ZC3H12B: variants seen among roughly 807,000 people sequenced by gnomAD.
The protein encoded by ZC3H12B is zinc finger CCCH-type containing 12B.
A neutral mutation model predicts 43.9 loss-of-function variants in ZC3H12B; 7 were observed. The ratio of observed to expected loss-of-function variants is 0.16; its 90% confidence interval spans 0.09 to 0.30. The LOEUF (loss-of-function observed/expected upper bound fraction) is 0.30. Among genes scored for constraint, ZC3H12B ranks in the 10% least tolerant of loss-of-function variants. The pLI is 1.00. For missense variants in ZC3H12B, 475 were observed against 670.2 expected (o/e 0.71, Z 3.22); for synonymous variants, 222 against 241.7 (o/e 0.92, Z 0.76).
At chrX:65,281,162 A>T in the ZC3H12B span, among the ~76,000 whole-genome samples, 2 of 111,194 alleles carry the variant, frequency 1.8e-5, no homozygotes, top group East Asian at 2.8e-4. Context: ...TACTGGCATT[A>T]AAAAAGACAT....
the ZC3H12B span, among the ~76,000 whole-genome samples, chrX:65,184,318 G>A: frequency 3.6e-5 from 4 of 111,088 alleles, no homozygotes; most frequent in Middle Eastern, 0.014. Context: ...GCAAACTCAT[G>A]TATAGTATAC....
chrX:65,178,694 A>G, the ZC3H12B span, among the ~76,000 whole-genome samples: 1 of 112,752 alleles, frequency 8.9e-6, no homozygotes, highest in Non-Finnish European at 1.9e-5. Flanking sequence ...AGAATGGCAA[A>G]TCAAAACTGC....
the ZC3H12B span, among the ~76,000 whole-genome samples, chrX:65,319,515 C>A: frequency 9.0e-6 from 1 of 111,542 alleles, no homozygotes; most frequent in African/African-American, 3.3e-5. Flanking sequence ...GAGCTGGTAC[C>A]ATTTCTACTG....
the ZC3H12B span, among the ~76,000 whole-genome samples, chrX:65,321,044 A>T: frequency 8.9e-6 from 1 of 112,183 alleles, no homozygotes; most frequent in African/African-American, 3.2e-5. Flanking sequence ...AAAATTGATG[A>T]ATGGGATCTA....
chrX:65,201,647 TCTC>T, the ZC3H12B span, among the ~76,000 whole-genome samples: 1 of 72,262 alleles, frequency 1.4e-5, no homozygotes, highest in Non-Finnish European at 2.3e-5. Flanking sequence ...CACCTCTCTC[TCTC>T]TCTCTCTCTC....
chrX:65,261,959 C>G, the ZC3H12B span, among the ~76,000 whole-genome samples: 1 of 110,352 alleles, frequency 9.1e-6, no homozygotes, highest in Non-Finnish European at 1.9e-5. Flanking sequence ...TAGTATAGCT[C>G]ATTTTTTTGG....
chrX:65,461,034 A>G, intron 3 of ZC3H12B, among the ~76,000 whole-genome samples: 1 of 111,938 alleles, frequency 8.9e-6, no homozygotes, highest in Non-Finnish European at 1.9e-5. Context: ...CCCCATCAAA[A>G]AGTGGGCAAA....
chrX:65,362,935 T>C (rs2066124032), upstream of ZC3H12B, among the ~76,000 whole-genome samples: 1 of 110,707 alleles, frequency 9.0e-6, no homozygotes, highest in African/African-American at 3.3e-5. Flanking sequence ...TCACAACCCC[T>C]CCATAACCCA....
At chrX:65,080,586 G>A in the ZC3H12B span, among the ~76,000 whole-genome samples, 1 of 111,094 alleles carries the variant, frequency 9.0e-6, no homozygotes. Flanking sequence ...TATATTAAAA[G>A]TGCAGAAGAA....
At chrX:65,083,785 C>A in the ZC3H12B span, among the ~76,000 whole-genome samples, 1 of 111,524 alleles carries the variant, frequency 9.0e-6, no homozygotes, top group Admixed American at 9.5e-5. Flanking sequence ...ACAAAAGACC[C>A]AGAATATGCA....
At chrX:65,261,782 G>C in the ZC3H12B span, among the ~76,000 whole-genome samples, 4 of 110,830 alleles carry the variant, frequency 3.6e-5, no homozygotes, top group African/African-American at 1.3e-4. Context: ...TATAATACAT[G>C]TAATACCCAG....
the ZC3H12B span, among the ~76,000 whole-genome samples, chrX:65,311,565 C>T: frequency 8.9e-6 from 1 of 111,907 alleles, no homozygotes; most frequent in Non-Finnish European, 1.9e-5. Flanking sequence ...ACTAGTTCAA[C>T]CATTGTGGAA....
the ZC3H12B span, among the ~76,000 whole-genome samples, chrX:65,227,814 C>T: frequency 8.1e-5 from 9 of 110,887 alleles, no homozygotes; most frequent in African/African-American, 2.3e-4. Flanking sequence ...ACACATACAC[C>T]CTCCCAAGAC....
At chrX:65,482,999 T>C (rs1339922974) in intron 3 of ZC3H12B, among the ~76,000 whole-genome samples, 3 of 112,337 alleles carry the variant, frequency 2.7e-5, no homozygotes, top group African/African-American at 9.7e-5. Context: ...AGTTTAATCA[T>C]ACAAAGCTCT....
At chrX:65,183,049 TG>T in the ZC3H12B span, among the ~76,000 whole-genome samples, 1 of 111,972 alleles carries the variant, frequency 8.9e-6, no homozygotes, top group African/African-American at 3.2e-5. Flanking sequence ...AATTGCCATT[TG>T]CCCCAGAGAT....
chrX:65,258,448 C>T, the ZC3H12B span, among the ~76,000 whole-genome samples: 1 of 111,576 alleles, frequency 9.0e-6, no homozygotes, highest in Admixed American at 9.5e-5. Flanking sequence ...ATGACAAACC[C>T]ACAGCCAACA....
At chrX:65,330,886 GT>G in the ZC3H12B span, 2 of 228,556 alleles carry the variant, frequency 8.8e-6, no homozygotes, top group South Asian at 1.3e-4. Flanking sequence ...CCATTTCCAG[GT>G]TTTTTCTCTT....
the ZC3H12B span, among the ~76,000 whole-genome samples, chrX:65,314,137 A>C: frequency 9.0e-6 from 1 of 111,461 alleles, no homozygotes; most frequent in Non-Finnish European, 1.9e-5. Context: ...ACAGAGAAAA[A>C]AAAATTAAAT....
At chrX:65,380,871 T>A (rs2066427916) in intron 2 of ZC3H12B, among the ~76,000 whole-genome samples, 1 of 111,750 alleles carries the variant, frequency 8.9e-6, no homozygotes, top group African/African-American at 3.3e-5. Flanking sequence ...CATTACTTAA[T>A]GGTAAAGGGA....
Sources: allele counts gnomAD v4.1 joint callset (sites outside exome capture counted in the v4.1 genomes callset), GRCh38; gene constraint gnomAD v4.1.1; transcripts MANE v1.5; gene names NCBI Gene and HGNC (gene_info 2026-07-23, HGNC 2026-07-21).